GABRA3: variants seen among roughly 807,000 people sequenced by gnomAD.
The protein encoded by GABRA3 is gamma-aminobutyric acid receptor subunit alpha-3.
A neutral mutation model predicts 30.1 loss-of-function variants in GABRA3; 10 were observed. That is an observed-to-expected ratio of 0.33 (90% CI 0.20 to 0.56). The LOEUF (loss-of-function observed/expected upper bound fraction) is 0.56. GABRA3 is among the 20% of genes least tolerant of loss of function. The pLI is 0.89. For missense variants in GABRA3, 233 were observed against 392.0 expected, an observed-to-expected ratio of 0.59 and a Z score of 3.42; for synonymous variants, 151 against 146.8, an observed-to-expected ratio of 1.03 and a Z score of -0.21.
At chrX:152,320,194 C>T (rs926991750) in intron 3 of GABRA3, among the ~76,000 whole-genome samples, 2 of 111,461 alleles carry the variant, frequency 1.8e-5, no homozygotes, top group African/African-American at 6.5e-5. Context: ...GTAGAACTAC[C>T]ATTTTATCCA....
chrX:152,228,560 G>C (rs1265487763), intron 5 of GABRA3, among the ~76,000 whole-genome samples: 1 of 109,576 alleles, frequency 9.1e-6, no homozygotes, highest in Non-Finnish European at 1.9e-5. Flanking sequence ...AATATAAGTG[G>C]AGAAAAGGAA....
chrX:152,380,548 C>G (rs904577874), intron 1 of GABRA3, among the ~76,000 whole-genome samples: 1 of 111,923 alleles, frequency 8.9e-6, no homozygotes. Flanking sequence ...GTGAACAGTG[C>G]TGCAACAAAC....
chrX:152,169,565 C>T lies in GABRA3; in HGVS notation c.1144-1002G>A, dbSNP rs780601856. ...AGGAGACAATGCTTAGGCCTGGATA[C>T]AAACTGAGAAGCTGAAGAACAGGAG... On this transcript the variant is annotated intron_variant, in intron 9 of 9. Transcript: ENST00000370314. Among the ~76,000 whole-genome samples, 4 of 111,882 alleles carry T rather than the reference C, an allele frequency of 3.6e-5. No homozygotes were observed. In the South Asian group the frequency reaches 1.5e-3, roughly 42 times the overall value.
At chrX:152,338,106 A>G (rs1940260299) in intron 3 of GABRA3, among the ~76,000 whole-genome samples, 1 of 111,525 alleles carries the variant, frequency 9.0e-6, no homozygotes, top group African/African-American at 3.3e-5. Flanking sequence ...AATAATCGCC[A>G]CCCTGTTCTG....
chrX:152,215,895 TA>T (rs1015316402), intron 6 of GABRA3, among the ~76,000 whole-genome samples: 5 of 110,919 alleles, frequency 4.5e-5, no homozygotes, highest in African/African-American at 1.3e-4. Flanking sequence ...TCAAATAATA[TA>T]AAAAAATCTG....
At chrX:152,177,080 TGA>T (rs754792295) in intron 9 of GABRA3, among the ~76,000 whole-genome samples, 5 of 110,410 alleles carry the variant, frequency 4.5e-5, no homozygotes, top group Non-Finnish European at 9.5e-5. Flanking sequence ...TATCAAAGAG[TGA>T]GAGAGTAATG....
intron 7 of GABRA3, among the ~76,000 whole-genome samples, chrX:152,199,266 T>G (rs1445867347): frequency 9.6e-6 from 1 of 104,175 alleles, no homozygotes; most frequent in Non-Finnish European, 2.0e-5. Flanking sequence ...CTAGGGAGGC[T>G]GAGGCAGGAG....
intron 3 of GABRA3, among the ~76,000 whole-genome samples, chrX:152,323,689 T>C (rs1328674408): frequency 8.9e-6 from 1 of 112,287 alleles, no homozygotes; most frequent in Non-Finnish European, 1.9e-5. Context: ...AATGAGAGGA[T>C]TAAACTGTAA....
intron 1 of GABRA3, among the ~76,000 whole-genome samples, chrX:152,429,772 C>T (rs1043737899): frequency 2.7e-5 from 3 of 111,912 alleles, no homozygotes; most frequent in African/African-American, 9.7e-5. Flanking sequence ...GTAACCATTG[C>T]CACTCACCTG....
At chrX:152,194,340 C>T (rs1937359368) in intron 8 of GABRA3, among the ~76,000 whole-genome samples, 2 of 111,571 alleles carry the variant, frequency 1.8e-5, no homozygotes, top group Non-Finnish European at 3.8e-5. Flanking sequence ...ATCTTTTGCC[C>T]ATTTTAAAAA....
intron 1 of GABRA3, among the ~76,000 whole-genome samples, chrX:152,439,098 G>A (rs1569425199): frequency 1.9e-5 from 2 of 106,331 alleles, no homozygotes; most frequent in African/African-American, 3.5e-5. Flanking sequence ...TTGTAAATCC[G>A]AAACTGTTCT....
chrX:152,338,131 T>C (rs573190923), intron 3 of GABRA3, among the ~76,000 whole-genome samples: 11 of 112,155 alleles, frequency 9.8e-5, no homozygotes, highest in African/African-American at 3.2e-4. Flanking sequence ...GTGCCCATAC[T>C]GATTTACATT....
At chrX:152,362,576 A>C (rs1928539290) in intron 2 of GABRA3, among the ~76,000 whole-genome samples, 1 of 111,899 alleles carries the variant, frequency 8.9e-6, no homozygotes, top group African/African-American at 3.3e-5. Context: ...TTACAGAAAA[A>C]AATAGTTACA....
intron 4 of GABRA3, among the ~76,000 whole-genome samples, chrX:152,275,874 C>T: frequency 9.1e-6 from 1 of 109,458 alleles, no homozygotes. Context: ...TTTGGGAATA[C>T]TTATGAACAC....
intron 3 of GABRA3, among the ~76,000 whole-genome samples, chrX:152,321,362 A>G (rs1939961106): frequency 9.0e-6 from 1 of 111,696 alleles, no homozygotes; most frequent in Non-Finnish European, 1.9e-5. Context: ...TATTACGGTA[A>G]AATACAGGGA....
chrX:152,329,324 T>C (rs1940122932), intron 3 of GABRA3, among the ~76,000 whole-genome samples: 1 of 111,887 alleles, frequency 8.9e-6, no homozygotes, highest in Non-Finnish European at 1.9e-5. Flanking sequence ...AATGGCTTTC[T>C]TCACAGAATT....
At chrX:152,244,020 T>C (rs777188813) in intron 5 of GABRA3, among the ~76,000 whole-genome samples, 1 of 112,313 alleles carries the variant, frequency 8.9e-6, no homozygotes, top group African/African-American at 3.2e-5. Flanking sequence ...ATATCAGAGA[T>C]TATTCTTACT....
intron 1 of GABRA3, among the ~76,000 whole-genome samples, chrX:152,411,836 A>G (rs1930079212): frequency 8.9e-6 from 1 of 112,041 alleles, no homozygotes; most frequent in Admixed American, 9.5e-5. Context: ...CAGTGGGTCT[A>G]GTACCCTCAA....
chrX:152,428,356 T>C (rs1930562919), intron 1 of GABRA3, among the ~76,000 whole-genome samples: 1 of 112,053 alleles, frequency 8.9e-6, no homozygotes, highest in Non-Finnish European at 1.9e-5. Flanking sequence ...TCAATAGTAG[T>C]CCCTGGGGCT....
Sources: gnomAD v4.1 joint callset for allele counts (sites outside exome capture counted in the v4.1 genomes callset) on GRCh38, gnomAD v4.1.1 for gene constraint, MANE v1.5 for transcripts, NCBI Gene and HGNC (gene_info 2026-07-23, HGNC 2026-07-21) for gene names.